The following LRRTM3 variants were observed in gnomAD, a reference collection of about 807,000 sequenced individuals.
LRRTM3 encodes the protein leucine-rich repeat transmembrane neuronal protein 3.
Under a neutral mutation model 44.7 loss-of-function variants are expected in LRRTM3, and 24 were observed. The observed-to-expected ratio is 0.54, with a 90% CI of 0.39 to 0.76. LRRTM3 has a LOEUF of 0.76. LRRTM3 is among the 30% of genes least tolerant of loss of function. The probability of loss-of-function intolerance (pLI) is 0.00; values close to 1 mark genes in which losing one functional copy is unlikely to be tolerated. For missense variants in LRRTM3, 587 were observed against 702.2 expected, an observed-to-expected ratio of 0.84 and a Z score of 1.85; for synonymous variants, 277 against 278.7, an observed-to-expected ratio of 0.99 and a Z score of 0.06.
chr10:66,926,307 G>C lies in LRRTM3; in HGVS notation c.-277G>C. 1.9e-6 allele frequency: 1 copy of C among 539,598 alleles called. No individual in the cohort carries two copies. Among genetic ancestry groups the C allele is most frequent in the Non-Finnish European group, 3.3e-6 (1 of 301,094 alleles). 33.4% of individuals were successfully genotyped at this position (539,598 alleles called of 1,614,324 possible). On this transcript the variant is annotated 5_prime_UTR_variant, in exon 1 of 3. Transcript: ENST00000361320. ...TCCCCACCCCCCAAAAAACTGTAAA[G>C]ATGCAAAAACGTAATATCCATGAAG...
intron 2 of LRRTM3, among the ~76,000 whole-genome samples, chr10:67,074,390 G>A (rs1378980469): frequency 8.1e-4 from 90 of 111,542 alleles, no homozygotes; most frequent in South Asian, 3.7e-3. Context: ...TCGCTCTGTC[G>A]CCCAGGCTGA....
intron 2 of LRRTM3, among the ~76,000 whole-genome samples, chr10:67,080,648 G>A (rs942653281): frequency 2.0e-5 from 3 of 152,192 alleles, no homozygotes; most frequent in South Asian, 2.1e-4. Flanking sequence ...GGTGGCTCAC[G>A]CCTGTAATCC....
rs1433575876 is a variant in LRRTM3 at position 66,958,950 on chromosome 10, T to G, written c.1536+30498T>G. 6.6e-5 allele frequency among the ~76,000 whole-genome samples: 10 copies of G among 152,300 alleles called. No individual in the cohort carries two copies. In the East Asian group the frequency reaches 1.9e-3, roughly 29 times the overall value. On this transcript the variant is annotated intron_variant, in intron 2 of 2. Transcript: ENST00000361320. ...TTTAACTTGTCCAAGTAGTTACGCT[T>G]CTATTCAGACATAGGGAGAGAGAGT...
intron 2 of LRRTM3, among the ~76,000 whole-genome samples, chr10:66,983,743 T>C (rs1395848456): frequency 6.6e-6 from 1 of 152,186 alleles, no homozygotes; most frequent in African/African-American, 2.4e-5. Context: ...ATGATACAGT[T>C]TTTAGGAAAA....
intron 2 of LRRTM3, among the ~76,000 whole-genome samples, chr10:67,040,547 T>C (rs751135623): frequency 3.3e-5 from 5 of 152,152 alleles, no homozygotes; most frequent in Admixed American, 2.0e-4. Context: ...TCTCCCTTAG[T>C]TCTTATGGAT....
intron 2 of LRRTM3, among the ~76,000 whole-genome samples, chr10:67,089,721 G>GTC (rs1416595436): frequency 4.2e-5 from 6 of 143,026 alleles, no homozygotes; most frequent in Admixed American, 3.4e-4. Context: ...ATACATATGT[G>GTC]TGTGTGTGTG....
chr10:67,031,396 C>T (rs565248164), intron 2 of LRRTM3, among the ~76,000 whole-genome samples: 131 of 152,286 alleles, frequency 8.6e-4, no homozygotes, highest in African/African-American at 3.0e-3. Flanking sequence ...TTCGTCTTCA[C>T]TTCTGGCTAC....
At chr10:67,074,567 G>C (rs910675499) in intron 2 of LRRTM3, among the ~76,000 whole-genome samples, 5 of 151,668 alleles carry the variant, frequency 3.3e-5, no homozygotes, top group Non-Finnish European at 7.4e-5. Flanking sequence ...AGCCAGGATG[G>C]TCTCGATCTC....
chr10:67,043,489 CTCTTCCAAT>C (rs1020010187), intron 2 of LRRTM3, among the ~76,000 whole-genome samples: 8 of 152,200 alleles, frequency 5.3e-5, no homozygotes, highest in African/African-American at 1.7e-4. Flanking sequence ...TGTCATTTAG[CTCTTCCAAT>C]TTCTTCTAGT....
At chr10:67,086,181 GATATAA>G (rs1026689629) in intron 2 of LRRTM3, among the ~76,000 whole-genome samples, 23 of 152,000 alleles carry the variant, frequency 1.5e-4, no homozygotes, top group African/African-American at 5.3e-4. Context: ...TACTTATGTG[GATATAA>G]ATATAAATTT....
chr10:67,062,067 T>C (rs2133222509), intron 2 of LRRTM3, among the ~76,000 whole-genome samples: 1 of 152,282 alleles, frequency 6.6e-6, no homozygotes, highest in Non-Finnish European at 1.5e-5. Context: ...GAGGTAATAA[T>C]ATCTTTAAGA....
At chr10:66,998,498 C>G (rs774915910) in intron 2 of LRRTM3, among the ~76,000 whole-genome samples, 3 of 151,674 alleles carry the variant, frequency 2.0e-5, no homozygotes, top group Non-Finnish European at 4.4e-5. Context: ...ATGCTTTTTG[C>G]AAGACACACA....
In LRRTM3 at chr10:66,927,088, A is replaced by C; in HGVS notation, c.172A>C (p.Ser58Arg). Residue 58 changes from serine (S) to arginine (R), a missense_variant, in exon 2 of 3, where the codon AGT becomes CGT. Around this residue, in one of 3 missense-constraint regions of LRRTM3, gnomAD observed 222 missense variants for 323.3 expected, o/e 0.69. Transcript: ENST00000361320. This position sits in a 1 kb window ranked among gnomAD's most constrained non-coding sequence, Gnocchi z 4.7. ...ESQKLQEIPS[S>R]ISAGCLGLSL... ...TCAGAAATTACAGGAGATACCCTCAAGTATATCTGCTGGTTGCTTAGGTTT... is the reference window on the plus strand; with the variant it reads ...TCAGAAATTACAGGAGATACCCTCACGTATATCTGCTGGTTGCTTAGGTTT... 1 of 1,614,204 alleles carries C rather than the reference A, an allele frequency of 6.2e-7. No individual in the cohort carries two copies. Among genetic ancestry groups the C allele is most frequent in the Non-Finnish European group, 8.5e-7 (1 of 1,180,038 alleles).
chr10:66,961,013 C>A (rs1339841685), intron 2 of LRRTM3, among the ~76,000 whole-genome samples: 1 of 152,064 alleles, frequency 6.6e-6, no homozygotes, highest in Admixed American at 6.6e-5. Context: ...CTATAAATAA[C>A]TTCAATTAAC....
intron 2 of LRRTM3, among the ~76,000 whole-genome samples, chr10:67,039,957 C>T (rs1854293131): frequency 6.6e-6 from 1 of 152,104 alleles, no homozygotes; most frequent in African/African-American, 2.4e-5. Context: ...AGCATATTAG[C>T]TGTCTGGGGG....
At chr10:67,018,913 C>A (rs556274103) in intron 2 of LRRTM3, among the ~76,000 whole-genome samples, 1 of 152,132 alleles carries the variant, frequency 6.6e-6, no homozygotes, top group Admixed American at 6.5e-5. Flanking sequence ...GCTAATCTGG[C>A]AAGTGGGTTA....
At chr10:67,074,288 C>G (rs184347258) in intron 2 of LRRTM3, among the ~76,000 whole-genome samples, 1 of 151,044 alleles carries the variant, frequency 6.6e-6, no homozygotes, top group Non-Finnish European at 1.5e-5. Context: ...CCTTGGCCCC[C>G]CAAAGTGCTG....
chr10:67,036,683 C>A (rs979621486), intron 2 of LRRTM3, among the ~76,000 whole-genome samples: 3 of 151,988 alleles, frequency 2.0e-5, no homozygotes, highest in Non-Finnish European at 4.4e-5. Flanking sequence ...TAAGAGTATA[C>A]TTTTTAAAGG....
At chr10:67,043,057 G>C (rs1312283520) in intron 2 of LRRTM3, among the ~76,000 whole-genome samples, 1 of 151,884 alleles carries the variant, frequency 6.6e-6, no homozygotes, top group Non-Finnish European at 1.5e-5. Context: ...AAGCAAGTCA[G>C]GAAATACAGA....
Sources: gnomAD v4.1 joint callset for allele counts (sites outside exome capture counted in the v4.1 genomes callset) on GRCh38, gnomAD v4.1.1 for gene constraint, gnomAD v4.1.1 regional missense constraint, Gnocchi (gnomAD v3.1) non-coding constraint, MANE v1.5 for transcripts, NCBI Gene and HGNC (gene_info 2026-07-23, HGNC 2026-07-21) for gene names.